Variants in GGA2 observed in about 807,000 individuals in gnomAD.
The protein encoded by GGA2 is ADP-ribosylation factor-binding protein GGA2.
In GGA2, 48 loss-of-function variants were observed where a neutral mutation model predicts 79.5. That is an observed-to-expected ratio of 0.60 (90% CI 0.48 to 0.77). GGA2 has a LOEUF of 0.77. Among genes scored for constraint, GGA2 ranks in the 30% least tolerant of loss-of-function variants. The pLI is 0.00. For missense variants in GGA2, 770 were observed against 774.0 expected (o/e 0.99, Z 0.06); for synonymous variants, 317 against 302.0 (o/e 1.05, Z -0.51).
At chr16:23,497,480 A>G (rs1964870989) in intron 1 of GGA2, among the ~76,000 whole-genome samples, 1 of 152,152 alleles carries the variant, frequency 6.6e-6, no homozygotes, top group African/African-American at 2.4e-5. Flanking sequence ...GTGTCTAGAT[A>G]GGGAGGGTCA....
intron 1 of GGA2, among the ~76,000 whole-genome samples, chr16:23,499,997 T>C (rs949399007): frequency 7.9e-5 from 12 of 152,148 alleles, no homozygotes; most frequent in Non-Finnish European, 1.5e-4. Context: ...GCTCTGGTGG[T>C]TGGCAGGGCA....
chr16:23,467,794 G>T, intron 16 of GGA2, 94 bp from the exon 17 acceptor site: 2 of 720,904 alleles, frequency 2.8e-6, no homozygotes, highest in South Asian at 1.5e-5. Context: ...AAACAATTCT[G>T]ACACAAAATA....
rs1251682509 is a variant in GGA2 at position 23,510,442 on chromosome 16, G to A, written c.-31C>T. The A allele has an allele frequency of 2.6e-5, 23 of 892,298 alleles. No individual in the cohort carries two copies. The highest frequency in any genetic ancestry group is 1.2e-4 in the African/African-American group (7 of 57,164). 55.3% of individuals were successfully genotyped at this position (892,298 alleles called of 1,614,324 possible). ...CAGCCCCGACGCTGCGGCCGCGGGCGCCACTGCCTCTTCAGCCGCTGTAGC... is the reference window on the plus strand; with the variant it reads ...CAGCCCCGACGCTGCGGCCGCGGGCACCACTGCCTCTTCAGCCGCTGTAGC... On this transcript the variant is annotated 5_prime_UTR_variant, in exon 1 of 17. Coordinates refer to ENST00000309859, the MANE Select transcript of GGA2 (RefSeq NM_015044.4).
intron 1 of GGA2, among the ~76,000 whole-genome samples, chr16:23,499,570 C>G (rs1429193338): frequency 6.6e-6 from 1 of 152,138 alleles, no homozygotes; most frequent in African/African-American, 2.4e-5. Flanking sequence ...TTTGCTAGAG[C>G]TTGTATCATG....
intron 9 of GGA2, 28 bp from the exon 10 acceptor site, chr16:23,480,798 C>T: frequency 6.3e-7 from 1 of 1,592,188 alleles, no homozygotes; most frequent in East Asian, 2.3e-5. Flanking sequence ...ACTCAGAACC[C>T]CCTGGTTTGG....
chr16:23,515,500 G>A (rs941328998), intron 2 of GGA2, among the ~76,000 whole-genome samples: 9 of 145,206 alleles, frequency 6.2e-5, no homozygotes, highest in African/African-American at 2.3e-4. Flanking sequence ...AGGAGGCTGA[G>A]ACCGGAGAAT....
chr16:23,479,657 A>G, intron 11 of GGA2, 108 bp downstream of exon 11: 1 of 1,302,400 alleles, frequency 7.7e-7, no homozygotes, highest in Non-Finnish European at 1.1e-6. Flanking sequence ...TCCTATTCAC[A>G]ACCATCTCGA....
chr16:23,474,325 A>C (rs1332488448), intron 14 of GGA2, among the ~76,000 whole-genome samples: 2 of 152,188 alleles, frequency 1.3e-5, no homozygotes, highest in East Asian at 1.9e-4. Flanking sequence ...AATACTAAGG[A>C]AGGCTAAGAA....
rs367601426 is a variant in GGA2, at chr16:23,486,814, T to G, written c.580-24A>C. On this transcript the variant is annotated intron_variant, in intron 6 of 16. Coordinates refer to ENST00000309859, the MANE Select transcript of GGA2 (RefSeq NM_015044.4). The stretch of plus-strand genomic sequence containing the variant: ...AGCTGCAGAGAGTGAACAGGAAGAG[T>G]AGGTGAGACCACAACTCCCTCAGGC... The G allele has an allele frequency of 9.7e-6, 14 of 1,437,280 alleles. No homozygotes were observed. The African/African-American group carries it at 9.8e-5, about 10-fold the overall frequency. 89.0% of individuals were successfully genotyped at this position (1,437,280 alleles called of 1,614,324 possible).
At chr16:23,484,178 C>T (rs547543722) in intron 8 of GGA2, among the ~76,000 whole-genome samples, 3 of 150,582 alleles carry the variant, frequency 2.0e-5, no homozygotes, top group East Asian at 4.0e-4. Context: ...GAGGCTGAGA[C>T]GGGTGGATCA....
chr16:23,498,546 A>G (rs113563727), intron 1 of GGA2, among the ~76,000 whole-genome samples: 2,296 of 152,310 alleles, frequency 0.015, 24 homozygotes, highest in African/African-American at 0.021. Context: ...TGGGCAACAT[A>G]GTGAGGCCCC....
At chr16:23,493,149 A>C (rs1964810337) in intron 4 of GGA2, among the ~76,000 whole-genome samples, 2 of 152,184 alleles carry the variant, frequency 1.3e-5, no homozygotes, top group Non-Finnish European at 2.9e-5. Flanking sequence ...GGCCTTCTTA[A>C]AAGGGAAATG....
chr16:23,509,660 A>G (rs1965012982), intron 1 of GGA2, among the ~76,000 whole-genome samples: 1 of 151,804 alleles, frequency 6.6e-6, no homozygotes, highest in Admixed American at 6.6e-5. Context: ...TACAGGAGAC[A>G]TGCAGAAGAA....
intron 1 of GGA2, among the ~76,000 whole-genome samples, chr16:23,508,420 A>G (rs1964999533): frequency 6.6e-6 from 1 of 151,942 alleles, no homozygotes; most frequent in African/African-American, 2.4e-5. Context: ...TAAAACTACT[A>G]CCTTCTGTCT....
intron 13 of GGA2, among the ~76,000 whole-genome samples, chr16:23,477,497 A>C (rs536977061): frequency 1.3e-5 from 2 of 151,966 alleles, no homozygotes; most frequent in Non-Finnish European, 2.9e-5. Context: ...TAATCCCAGC[A>C]CTTTGGGAGG....
chr16:23,514,193 C>T (rs1182329845), upstream of GGA2, among the ~76,000 whole-genome samples: 4 of 151,954 alleles, frequency 2.6e-5, no homozygotes, highest in Non-Finnish European at 5.9e-5. Flanking sequence ...GCAACCTCTG[C>T]CTCCCAGGTT....
rs555991629 is a variant in GGA2 at position 23,515,586 on chromosome 16, A to G, written c.61+4001T>C. Among the ~76,000 whole-genome samples the G allele has an allele frequency of 3.5e-3, 534 of 151,436 alleles. 5 individuals are homozygous for G. The highest frequency in any genetic ancestry group is 6.2e-3 in the Non-Finnish European group (423 of 67,834). Reference sequence around the variant, plus strand: ...CACTCCAGCCTGCAAAAAAAAAAAAAAAAAAAATTAAAATTAAAAATAAAT... The same window carrying G: ...CACTCCAGCCTGCAAAAAAAAAAAAGAAAAAAATTAAAATTAAAAATAAAT... On this transcript the variant is annotated intron_variant, in intron 2 of 5. Transcript: ENST00000569300.
chr16:23,512,324 C>T (rs1047059314), upstream of GGA2, among the ~76,000 whole-genome samples: 24 of 152,284 alleles, frequency 1.6e-4, no homozygotes, highest in Admixed American at 9.2e-4. Context: ...CTTGATCCCC[C>T]GTATGGCCTG....
chr16:23,486,981 G>GTT (rs374719399), intron 6 of GGA2, among the ~76,000 whole-genome samples, 191 bp from the exon 7 acceptor site: 3 of 97,164 alleles, frequency 3.1e-5, no homozygotes, highest in East Asian at 2.7e-4. Flanking sequence ...TTTCTTTTCT[G>GTT]TTGTTTTTTT....
Sources: gnomAD v4.1 joint callset for allele counts (sites outside exome capture counted in the v4.1 genomes callset) on GRCh38, gnomAD v4.1.1 for gene constraint, MANE v1.5 for transcripts, NCBI Gene and HGNC (gene_info 2026-07-23, HGNC 2026-07-21) for gene names.